Variants in PKNOX2 observed in about 807,000 individuals in gnomAD.
The protein encoded by PKNOX2 is homeobox protein PKNOX2.
In PKNOX2, 14 loss-of-function variants were observed where a neutral mutation model predicts 53.1. The observed-to-expected ratio is 0.26, with a 90% CI of 0.17 to 0.41. The LOEUF (loss-of-function observed/expected upper bound fraction) is 0.41. Among genes scored for constraint, PKNOX2 ranks in the 10% least tolerant of loss-of-function variants. PKNOX2 has a pLI of 1.00. For synonymous variants in PKNOX2, 257 were observed against 242.8 expected (o/e 1.06, Z -0.54); for missense variants, 496 against 602.8 (o/e 0.82, Z 1.85).
intron 2 of PKNOX2, among the ~76,000 whole-genome samples, chr11:125,305,091 C>T (rs1948343850): frequency 1.3e-5 from 2 of 152,326 alleles, no homozygotes; most frequent in South Asian, 4.2e-4. Flanking sequence ...CACACACTCA[C>T]CTCGTCTTGA....
At chr11:125,241,478 T>A (rs1943141954) in intron 2 of PKNOX2, among the ~76,000 whole-genome samples, 1 of 152,214 alleles carries the variant, frequency 6.6e-6, no homozygotes, top group African/African-American at 2.4e-5. Context: ...TATCTATCCA[T>A]GTAAACCATT....
chr11:125,237,928 T>C (rs933989052), intron 2 of PKNOX2, among the ~76,000 whole-genome samples: 2 of 152,012 alleles, frequency 1.3e-5, no homozygotes, highest in African/African-American at 2.4e-5. Context: ...CACACAAAGA[T>C]TAGGATTTAA....
chr11:125,349,115 CA>C (rs1191445661), intron 3 of PKNOX2, among the ~76,000 whole-genome samples: 4 of 152,246 alleles, frequency 2.6e-5, no homozygotes, highest in Non-Finnish European at 5.9e-5. Flanking sequence ...GCCCCTGAAA[CA>C]TTCCTATTTC....
At chr11:125,382,436 C>T (rs1310736994) in intron 5 of PKNOX2, among the ~76,000 whole-genome samples, 1 of 152,218 alleles carries the variant, frequency 6.6e-6, no homozygotes, top group Non-Finnish European at 1.5e-5. Context: ...GCCGCACCCC[C>T]ACCACCTGGC....
intron 10 of PKNOX2, among the ~76,000 whole-genome samples, chr11:125,427,374 G>A (rs1188930453): frequency 2.6e-5 from 4 of 152,174 alleles, no homozygotes; most frequent in African/African-American, 9.7e-5. Flanking sequence ...TTGAATTAAA[G>A]CAACACATGG....
At chr11:125,251,765 T>A (rs1268347791) in intron 2 of PKNOX2, among the ~76,000 whole-genome samples, 2 of 140,674 alleles carry the variant, frequency 1.4e-5, no homozygotes, top group Admixed American at 7.3e-5. Flanking sequence ...TGTTTCTACC[T>A]CCTCATTATA....
chr11:125,344,160 G>A (rs1950851124), intron 3 of PKNOX2, among the ~76,000 whole-genome samples: 1 of 152,170 alleles, frequency 6.6e-6, no homozygotes, highest in African/African-American at 2.4e-5. Flanking sequence ...TCTCCTCCAG[G>A]GTGGGTCTCT....
intron 1 of PKNOX2, among the ~76,000 whole-genome samples, chr11:125,206,247 G>A (rs1034202391): frequency 6.6e-6 from 1 of 152,046 alleles, no homozygotes; most frequent in African/African-American, 2.4e-5. Context: ...ACACTGGAGA[G>A]GGATTGTAGG....
chr11:125,280,740 G>A (rs971929677), intron 2 of PKNOX2, among the ~76,000 whole-genome samples: 30 of 152,078 alleles, frequency 2.0e-4, no homozygotes, highest in Non-Finnish European at 2.2e-4. Flanking sequence ...CAAGAAAGAG[G>A]CTGTAGTTTC....
At chr11:125,249,181 G>A (rs1421496023) in intron 2 of PKNOX2, among the ~76,000 whole-genome samples, 1 of 151,562 alleles carries the variant, frequency 6.6e-6, no homozygotes, top group African/African-American at 2.4e-5. Flanking sequence ...GAATCTCCGG[G>A]TCTTAGGACA....
intron 7 of PKNOX2, chr11:125,409,930 G>C (rs769937540): frequency 1.1e-5 from 4 of 355,578 alleles, no homozygotes; most frequent in African/African-American, 6.3e-5. Context: ...GACCATGGGG[G>C]TTATCAGATA....
chr11:125,283,810 T>C (rs1008613692), intron 2 of PKNOX2, among the ~76,000 whole-genome samples: 13 of 152,180 alleles, frequency 8.5e-5, no homozygotes, highest in African/African-American at 2.4e-5. Context: ...GTGTCCAGGA[T>C]AGAAAGGTGC....
chr11:125,375,070 C>G (rs1030073226), intron 5 of PKNOX2, among the ~76,000 whole-genome samples: 4 of 152,194 alleles, frequency 2.6e-5, no homozygotes, highest in Non-Finnish European at 5.9e-5. Flanking sequence ...TTCTGCTTTT[C>G]CCAGGCACTG....
chr11:125,254,190 C>T (rs1046557426), intron 2 of PKNOX2, among the ~76,000 whole-genome samples: 4 of 152,184 alleles, frequency 2.6e-5, no homozygotes, highest in South Asian at 4.1e-4. Flanking sequence ...ATTTCCGAAC[C>T]GCTTTTTACA....
chr11:125,418,505 T>C (rs1205194966), intron 10 of PKNOX2, among the ~76,000 whole-genome samples: 1 of 151,998 alleles, frequency 6.6e-6, no homozygotes, highest in Non-Finnish European at 1.5e-5. Flanking sequence ...GCCGGGCTCC[T>C]TCTGGCTGGG....
In PKNOX2 at chr11:125,423,043, T is replaced by TACAC. The variant is rs56327999; in HGVS notation, c.937-5953_937-5950dup. 2.4e-3 allele frequency among the ~76,000 whole-genome samples: 365 copies of TACAC among 150,170 alleles called. 1 individual carries two copies. Among genetic ancestry groups the TACAC allele is most frequent in the Middle Eastern group, 0.01 (3 of 292 alleles). On this transcript the variant is annotated intron_variant, in intron 10 of 12. Transcript: ENST00000298282. Reference sequence around the variant, plus strand: ...ATTTACTGATACTGATCAGTTTAGCTACACACACACACACACACATATGTA... The same window carrying TACAC: ...ATTTACTGATACTGATCAGTTTAGCTACACACACACACACACACACACATATGTA...
At chr11:125,244,881 G>T (rs963008080) in intron 2 of PKNOX2, among the ~76,000 whole-genome samples, 1 of 152,094 alleles carries the variant, frequency 6.6e-6, no homozygotes, top group Non-Finnish European at 1.5e-5. Context: ...TGGGACTTGT[G>T]AGGACCCATT....
At chr11:125,254,200 A>G (rs1363931636) in intron 2 of PKNOX2, among the ~76,000 whole-genome samples, 5 of 152,246 alleles carry the variant, frequency 3.3e-5, no homozygotes, top group Non-Finnish European at 7.3e-5. Flanking sequence ...CGCTTTTTAC[A>G]AAGAAAAAAA....
chr11:125,212,262 G>A (rs1250022713), intron 1 of PKNOX2, among the ~76,000 whole-genome samples: 1 of 151,960 alleles, frequency 6.6e-6, no homozygotes, highest in Non-Finnish European at 1.5e-5. Context: ...TGTGCTGAAC[G>A]AGGTAGAGGG....
Sources: gnomAD v4.1 joint callset for allele counts (sites outside exome capture counted in the v4.1 genomes callset) on GRCh38, gnomAD v4.1.1 for gene constraint, MANE v1.5 for transcripts, NCBI Gene and HGNC (gene_info 2026-07-23, HGNC 2026-07-21) for gene names.